DTD1: variants seen among roughly 807,000 people sequenced by gnomAD.
DTD1 encodes D-aminoacyl-tRNA deacylase 1.
Under a neutral mutation model 25.6 loss-of-function variants are expected in DTD1, and 13 were observed. The observed-to-expected ratio is 0.51, with a 90% CI of 0.33 to 0.81. DTD1 has a LOEUF of 0.81. Ranked by LOEUF, DTD1 falls within the 30% of genes least tolerant of loss-of-function variation. DTD1 has a pLI of 0.02. For synonymous variants in DTD1, 110 were observed against 103.6 expected (o/e 1.06, Z -0.37); for missense variants, 193 against 266.4 (o/e 0.72, Z 1.92).
At chr20:18,649,708 G>A (rs1306301662) in intron 4 of DTD1, among the ~76,000 whole-genome samples, 1 of 152,144 alleles carries the variant, frequency 6.6e-6, no homozygotes, top group Non-Finnish European at 1.5e-5. Context: ...TTACTCAGTT[G>A]TAGAAGTAAC....
chr20:18,737,790 G>A (rs1322074025), intron 4 of DTD1, among the ~76,000 whole-genome samples: 1 of 152,238 alleles, frequency 6.6e-6, no homozygotes, highest in Non-Finnish European at 1.5e-5. Flanking sequence ...GGACAGAAAA[G>A]GATGGACGAA....
intron 5 of DTD1, among the ~76,000 whole-genome samples, chr20:18,761,997 G>A (rs2122545089): frequency 6.6e-6 from 1 of 152,328 alleles, no homozygotes; most frequent in African/African-American, 2.4e-5. Flanking sequence ...GGTGTACGAG[G>A]GTAGCCCTTG....
At chr20:18,750,578 G>T (rs2061317993) in intron 5 of DTD1, among the ~76,000 whole-genome samples, 1 of 152,216 alleles carries the variant, frequency 6.6e-6, no homozygotes, top group Non-Finnish European at 1.5e-5. Flanking sequence ...TCATGGTTCA[G>T]AGGACATTTC....
At chr20:18,685,705 T>C (rs555399897) in intron 4 of DTD1, among the ~76,000 whole-genome samples, 1 of 152,334 alleles carries the variant, frequency 6.6e-6, no homozygotes, top group South Asian at 2.1e-4. Context: ...GTGGTTTGTT[T>C]TAGCTCTCTT....
intron 4 of DTD1, among the ~76,000 whole-genome samples, chr20:18,733,552 G>C (rs1297080869): frequency 1.3e-5 from 2 of 152,228 alleles, no homozygotes; most frequent in Non-Finnish European, 2.9e-5. Flanking sequence ...GCAACCACTA[G>C]GGCCTGAAGG....
intron 4 of DTD1, among the ~76,000 whole-genome samples, chr20:18,667,537 A>C (rs1210472377): frequency 6.6e-6 from 1 of 151,518 alleles, no homozygotes; most frequent in Non-Finnish European, 1.5e-5. Flanking sequence ...ATGGCACATG[A>C]GAGGGCGTGT....
At chr20:18,627,041 C>G (rs1354700427) in intron 3 of DTD1, among the ~76,000 whole-genome samples, 1 of 152,220 alleles carries the variant, frequency 6.6e-6, no homozygotes, top group Non-Finnish European at 1.5e-5. Context: ...TGAACGGCCA[C>G]TTTAATCTGA....
intron 4 of DTD1, among the ~76,000 whole-genome samples, chr20:18,663,847 C>T (rs957978420): frequency 1.3e-5 from 2 of 152,206 alleles, no homozygotes; most frequent in East Asian, 3.8e-4. Flanking sequence ...ATAAAACCAT[C>T]AGATATCATG....
intron 3 of DTD1, among the ~76,000 whole-genome samples, chr20:18,596,737 T>C (rs573147313): frequency 6.6e-6 from 1 of 152,142 alleles, no homozygotes; most frequent in East Asian, 1.9e-4. Context: ...TCTCTTTTTT[T>C]TTTTTCTAAA....
chr20:18,589,636 A>C (rs2060581321), intron 1 of DTD1, among the ~76,000 whole-genome samples: 1 of 152,156 alleles, frequency 6.6e-6, no homozygotes, highest in Admixed American at 6.5e-5. Context: ...TCATAGATGA[A>C]AGATGTTTTG....
intron 4 of DTD1, among the ~76,000 whole-genome samples, chr20:18,690,296 A>C (rs1362409828): frequency 6.6e-6 from 1 of 152,006 alleles, no homozygotes; most frequent in African/African-American, 2.4e-5. Context: ...TCTATAGGTT[A>C]TCTGTTTACT....
intron 4 of DTD1, among the ~76,000 whole-genome samples, chr20:18,708,004 T>C (rs772996381): frequency 2.7e-4 from 41 of 150,400 alleles, no homozygotes; most frequent in Non-Finnish European, 3.8e-4. Context: ...TTTGGGCCCA[T>C]GCATTAGGGG....
chr20:18,662,919 A>T (rs1300710042), intron 4 of DTD1, among the ~76,000 whole-genome samples: 1 of 152,106 alleles, frequency 6.6e-6, no homozygotes, highest in Non-Finnish European at 1.5e-5. Flanking sequence ...CTCTTATCGC[A>T]AAGTCATTTA....
intron 4 of DTD1, among the ~76,000 whole-genome samples, chr20:18,641,678 A>G (rs1213103162): frequency 6.6e-6 from 1 of 152,036 alleles, no homozygotes; most frequent in Admixed American, 6.6e-5. Flanking sequence ...TTGGAGATCT[A>G]TTTCAGTTCT....
chr20:18,751,452 TACTC>T (rs1271019069), intron 5 of DTD1, among the ~76,000 whole-genome samples: 3 of 152,136 alleles, frequency 2.0e-5, no homozygotes, highest in Non-Finnish European at 4.4e-5. Flanking sequence ...ACATATGTGA[TACTC>T]ACCTAATACA....
chr20:18,764,588 TAATA>T lies in DTD1; in HGVS notation c.*1252_*1255del, dbSNP rs1214035658. The T allele has an allele frequency of 6.6e-6, 1 of 152,208 alleles. No homozygotes were observed. Among genetic ancestry groups the T allele is most frequent in the East Asian group, 1.9e-4 (1 of 5,202 alleles). 9.4% of individuals were successfully genotyped at this position (152,208 alleles called of 1,614,324 possible). ...TGACCCAGTCATCTACTTCAAATGA[TAATA>T]AATCAGAAAATGTGGAAAACAAAAA... On this transcript the variant is annotated 3_prime_UTR_variant, in exon 6 of 6. Transcript: ENST00000377452.
intron 3 of DTD1, among the ~76,000 whole-genome samples, chr20:18,598,327 A>G (rs911916034): frequency 6.6e-6 from 1 of 152,054 alleles, no homozygotes; most frequent in Non-Finnish European, 1.5e-5. Flanking sequence ...TTTATGGCTC[A>G]TTGTATTCCA....
rs546051807 is a variant in DTD1 at position 18,630,009 on chromosome 20, A to G, written c.477+1776A>G. Among the ~76,000 whole-genome samples the G allele has an allele frequency of 5.3e-4, 81 of 152,170 alleles. 1 individual carries two copies. The highest frequency in any genetic ancestry group is 1.0e-3 in the Non-Finnish European group (68 of 67,988). ...AATTCAACATGAGATTTGGGTGGGG[A>G]CACAAATCCAAACCATAGCAGTTTC... On this transcript the variant is annotated intron_variant, in intron 4 of 5. Coordinates refer to ENST00000377452, the MANE Select transcript of DTD1 (RefSeq NM_080820.6).
intron 3 of DTD1, among the ~76,000 whole-genome samples, chr20:18,620,296 T>G (rs2122295490): frequency 6.6e-6 from 1 of 152,382 alleles, no homozygotes; most frequent in South Asian, 2.1e-4. Flanking sequence ...TTGGACACAT[T>G]AAGTTTGGCT....
Sources: allele counts gnomAD v4.1 joint callset (sites outside exome capture counted in the v4.1 genomes callset), GRCh38; gene constraint gnomAD v4.1.1; transcripts MANE v1.5; gene names NCBI Gene and HGNC (gene_info 2026-07-23, HGNC 2026-07-21).